The following USP48 variants were observed in gnomAD, a reference collection of about 807,000 sequenced individuals.
USP48 encodes the protein ubiquitin carboxyl-terminal hydrolase 48.
In USP48, 43 loss-of-function variants were observed where a neutral mutation model predicts 150.7. The ratio of observed to expected loss-of-function variants is 0.29; its 90% CI spans 0.22 to 0.37. The LOEUF (loss-of-function observed/expected upper bound fraction) is 0.37. Ranked by LOEUF, USP48 falls within the 10% of genes least tolerant of loss-of-function variation. The pLI is 1.00. For synonymous variants in USP48, 396 were observed against 425.9 expected, an observed-to-expected ratio of 0.93 and a Z score of 0.86; for missense variants, 813 against 1,249.6, an observed-to-expected ratio of 0.65 and a Z score of 5.27.
At chr1:21,736,413 T>A (rs778189210) in intron 9 of USP48, 33 bp downstream of exon 9, 22 of 1,555,578 alleles carry the variant, frequency 1.4e-5, no homozygotes, top group Non-Finnish European at 1.8e-5. Context: ...AAATTTATAT[T>A]TTAAAAGGGC....
intron 1 of USP48, among the ~76,000 whole-genome samples, chr1:21,774,700 A>G (rs984444384): frequency 3.3e-5 from 5 of 151,578 alleles, no homozygotes; most frequent in African/African-American, 1.2e-4. Flanking sequence ...CAAACAAACG[A>G]AAAAAGAATA....
intron 25 of USP48, chr1:21,686,450 T>G (rs1196695148): frequency 6.6e-6 from 1 of 151,974 alleles, no homozygotes; most frequent in African/African-American, 2.4e-5. Context: ...ATCATATGAT[T>G]TTTGTCCTTC....
intron 1 of USP48, among the ~76,000 whole-genome samples, chr1:21,765,319 A>T (rs2097859032): frequency 6.6e-6 from 1 of 152,218 alleles, no homozygotes; most frequent in Non-Finnish European, 1.5e-5. Flanking sequence ...TGGCAGCAGT[A>T]AACAGGACAG....
At chr1:21,685,962 C>T (rs1235463035) in intron 25 of USP48, 3 of 152,106 alleles carry the variant, frequency 2.0e-5, no homozygotes, top group Non-Finnish European at 4.4e-5. Flanking sequence ...AGTAAAAATA[C>T]AAAAATTAGC....
chr1:21,775,451 T>C (rs1332509754), intron 1 of USP48, among the ~76,000 whole-genome samples: 1 of 152,104 alleles, frequency 6.6e-6, no homozygotes, highest in East Asian at 1.9e-4. Context: ...AATGGGTTTT[T>C]GCCATGTTGA....
At chr1:21,719,420 G>A (rs1433591808) in intron 14 of USP48, among the ~76,000 whole-genome samples, 1 of 152,022 alleles carries the variant, frequency 6.6e-6, no homozygotes, top group Non-Finnish European at 1.5e-5. Flanking sequence ...AGTGAGATAG[G>A]AAGATCAATA....
intron 15 of USP48, among the ~76,000 whole-genome samples, chr1:21,708,614 T>C (rs2097680278): frequency 6.6e-6 from 1 of 151,992 alleles, no homozygotes; most frequent in Non-Finnish European, 1.5e-5. Context: ...CCGGGGGCAG[T>C]GGCTCACGCC....
intron 1 of USP48, among the ~76,000 whole-genome samples, chr1:21,773,687 A>G (rs2097888955): frequency 6.6e-6 from 1 of 152,198 alleles, no homozygotes; most frequent in African/African-American, 2.4e-5. Flanking sequence ...CAAAATTCTA[A>G]GCAGTCCCTT....
intron 5 of USP48, 112 bp downstream of exon 5, chr1:21,752,415 G>T: frequency 1.6e-6 from 2 of 1,259,222 alleles, no homozygotes; most frequent in Admixed American, 2.5e-5. Context: ...AATATTTCAG[G>T]TCCCATGATA....
chr1:21,708,183 C>CACAAAACAAAACAA (rs1305595510), intron 15 of USP48, among the ~76,000 whole-genome samples: 2 of 151,530 alleles, frequency 1.3e-5, no homozygotes, highest in Non-Finnish European at 2.9e-5. Flanking sequence ...AACAAAACAA[C>CACAAAACAAAACAA]ACAAAACAAA....
intron 1 of USP48, among the ~76,000 whole-genome samples, chr1:21,770,733 C>A (rs892207626): frequency 1.3e-5 from 2 of 151,680 alleles, no homozygotes; most frequent in African/African-American, 2.4e-5. Flanking sequence ...CCGCCTGCAT[C>A]GGCCTCCCAA....
chr1:21,715,164 C>T, intron 15 of USP48: 1 of 467,730 alleles, frequency 2.1e-6, no homozygotes. Context: ...CAATGACAGT[C>T]ATGGGAAACA....
intron 16 of USP48, 59 bp from the exon 17 acceptor site, chr1:21,706,648 C>T: frequency 6.2e-7 from 1 of 1,612,840 alleles, no homozygotes; most frequent in East Asian, 2.2e-5. Context: ...CTGCCTCCTC[C>T]CTACACCCCC....
At chr1:21,712,740 T>C (rs912453099) in intron 15 of USP48, among the ~76,000 whole-genome samples, 4 of 151,386 alleles carry the variant, frequency 2.6e-5, no homozygotes, top group African/African-American at 7.3e-5. Context: ...GCAATTCTCC[T>C]GGGTCAGCCT....
At chr1:21,768,616 T>C (rs1280196625) in intron 1 of USP48, 1 of 152,114 alleles carries the variant, frequency 6.6e-6, no homozygotes, top group Non-Finnish European at 1.5e-5. Flanking sequence ...TGGCTACCTA[T>C]TCCCAGAAGC....
chr1:21,777,581 C>T (rs1401672894), intron 1 of USP48, among the ~76,000 whole-genome samples: 1 of 151,914 alleles, frequency 6.6e-6, no homozygotes, highest in East Asian at 1.9e-4. Flanking sequence ...GCAAAAAGAT[C>T]ACTTGAGACC....
rs892580387 is a variant in USP48 at position 21,693,960 on chromosome 1, A to G, written c.2883+1106T>C. Among the ~76,000 whole-genome samples the G allele has an allele frequency of 2.0e-5, 3 of 152,248 alleles. No homozygotes were observed. In the South Asian group the frequency reaches 6.2e-4, roughly 31 times the overall value. ...CCAGTAAACTATGCCACATAAAAGT[A>G]GCAAAGGAGGAAATTTGGTCAACTT... On this transcript the variant is annotated intron_variant, in intron 23 of 26. Coordinates refer to ENST00000308271, the MANE Select transcript of USP48 (RefSeq NM_032236.8).
chr1:21,679,096 T>C lies in USP48; in HGVS notation c.*321A>G. Reference sequence around the variant, plus strand: ...GAAATATAACAGAACTTTATTCCCCTCCCACGACTATAAATCTCATATGTA... The same window carrying C: ...GAAATATAACAGAACTTTATTCCCCCCCCACGACTATAAATCTCATATGTA... On this transcript the variant is annotated 3_prime_UTR_variant, in exon 27 of 27. Coordinates refer to ENST00000308271, the MANE Select transcript of USP48 (RefSeq NM_032236.8). The C allele has an allele frequency of 4.7e-6, 2 of 427,838 alleles. No individual in the cohort carries two copies. Among genetic ancestry groups the C allele is most frequent in the Non-Finnish European group, 4.3e-6 (1 of 234,640 alleles). 26.5% of individuals were successfully genotyped at this position (427,838 alleles called of 1,614,324 possible).
At chr1:21,708,649 T>A (rs1373882544) in intron 15 of USP48, among the ~76,000 whole-genome samples, 2 of 151,842 alleles carry the variant, frequency 1.3e-5, no homozygotes, top group African/African-American at 4.8e-5. Flanking sequence ...TTTAGGAGGC[T>A]GAGGTGAGTG....
Sources: allele counts gnomAD v4.1 joint callset (sites outside exome capture counted in the v4.1 genomes callset), GRCh38; gene constraint gnomAD v4.1.1; transcripts MANE v1.5; gene names NCBI Gene and HGNC (gene_info 2026-07-23, HGNC 2026-07-21).